The following PACRG variants were observed in gnomAD, a reference collection of about 807,000 sequenced individuals.
PACRG encodes parkin coregulated gene protein.
Under a neutral mutation model 29.7 loss-of-function variants are expected in PACRG, and 29 were observed. That is an observed-to-expected ratio of 0.98 (90% confidence interval 0.73 to 1.33). The LOEUF (loss-of-function observed/expected upper bound fraction) is 1.33, where lower values mean the gene tolerates loss of function less well. Among genes scored for constraint, PACRG ranks in the 40% most tolerant of loss-of-function variants. The pLI, the probability that PACRG is intolerant of heterozygous loss-of-function variation, is 0.00. For missense variants in PACRG, 279 were observed against 316.2 expected (o/e 0.88, Z 0.89); for synonymous variants, 116 against 118.7 (o/e 0.98, Z 0.15).
intron 1 of PACRG, among the ~76,000 whole-genome samples, chr6:162,787,582 G>GTGTGTGTGTATATATATATA (rs1198197561): frequency 1.6e-5 from 1 of 62,418 alleles, no homozygotes; most frequent in African/African-American, 6.0e-5. Flanking sequence ...GTGTGTGTGT[G>GTGTGTGTGTATATATATATA]TATATATATA....
At chr6:162,906,985 A>C (rs2128068898) in intron 2 of PACRG, among the ~76,000 whole-genome samples, 1 of 152,360 alleles carries the variant, frequency 6.6e-6, no homozygotes, top group South Asian at 2.1e-4. Flanking sequence ...GGGCTTCATC[A>C]GTGTGAGGAG....
rs73025197 is a variant in PACRG, at chr6:163,060,205, A to T, written c.292-1945A>T. On this transcript the variant is annotated intron_variant, in intron 2 of 4. Coordinates refer to ENST00000366888, the MANE Select transcript of PACRG (RefSeq NM_001080379.2). ...AATACAACATCTTAGGCCATAGTAA[A>T]ATACAAAATTTAATTTTGTGCTTAC... is the stretch of plus-strand genomic sequence containing the variant. Among the ~76,000 whole-genome samples the T allele has an allele frequency of 6.8e-3, 1,038 of 152,298 alleles. 5 individuals carry two copies. Among genetic ancestry groups the T allele is most frequent in the Non-Finnish European group, 9.5e-3 (648 of 68,006 alleles).
chr6:162,987,807 T>C (rs1167382597), intron 2 of PACRG, among the ~76,000 whole-genome samples: 5 of 152,196 alleles, frequency 3.3e-5, no homozygotes, highest in Non-Finnish European at 7.3e-5. Context: ...TGTTTGTAGA[T>C]ATGTTTATTG....
chr6:163,286,980 G>A (rs1432285339), intron 4 of PACRG, among the ~76,000 whole-genome samples: 1 of 151,840 alleles, frequency 6.6e-6, no homozygotes, highest in Non-Finnish European at 1.5e-5. Context: ...ATATGTGTTT[G>A]TGTATCTGTA....
At chr6:162,825,689 T>C (rs1788212027) in intron 2 of PACRG, among the ~76,000 whole-genome samples, 6 of 152,290 alleles carry the variant, frequency 3.9e-5, no homozygotes. Context: ...TATCTTGAGC[T>C]CCTGGGGTGT....
chr6:162,828,610 A>G (rs1562639332), intron 2 of PACRG, among the ~76,000 whole-genome samples: 1 of 152,226 alleles, frequency 6.6e-6, no homozygotes, highest in Non-Finnish European at 1.5e-5. Context: ...TGGTAATAGT[A>G]TGAAGCAAAA....
chr6:162,926,516 G>C (rs1037578599), intron 2 of PACRG, among the ~76,000 whole-genome samples: 3 of 152,078 alleles, frequency 2.0e-5, no homozygotes, highest in African/African-American at 7.2e-5. Flanking sequence ...ACAACCATCT[G>C]ATGTTCAACA....
intron 2 of PACRG, among the ~76,000 whole-genome samples, chr6:162,910,101 T>C (rs756791207): frequency 6.6e-6 from 1 of 152,222 alleles, no homozygotes; most frequent in Non-Finnish European, 1.5e-5. Flanking sequence ...TTTTCTCATA[T>C]GTAAAAAGAT....
chr6:162,730,026 A>G (rs1433657946), intron 1 of PACRG, among the ~76,000 whole-genome samples: 2 of 150,168 alleles, frequency 1.3e-5, no homozygotes, highest in Non-Finnish European at 3.0e-5. Context: ...AACATTATTT[A>G]TCCATTCATC....
intron 1 of PACRG, among the ~76,000 whole-genome samples, chr6:162,764,747 CTTT>C (rs35179604): frequency 1.4e-5 from 2 of 144,286 alleles, no homozygotes; most frequent in Non-Finnish European, 1.5e-5. Context: ...GGAATCCAAA[CTTT>C]TTTTTTTTTT....
chr6:162,967,769 C>A (rs7758271), intron 2 of PACRG, among the ~76,000 whole-genome samples: 106,138 of 151,962 alleles, frequency 0.7, 37,395 homozygotes, highest in East Asian at 0.79. Flanking sequence ...GGCCTCCCAA[C>A]GTGCTAGGAT....
chr6:162,994,688 G>A (rs1471050361), intron 2 of PACRG, among the ~76,000 whole-genome samples: 1 of 138,220 alleles, frequency 7.2e-6, no homozygotes, highest in Non-Finnish European at 1.5e-5. Flanking sequence ...TAGTTTGAAT[G>A]TCCTCCCGTA....
intron 4 of PACRG, among the ~76,000 whole-genome samples, chr6:163,224,479 A>T (rs1340371632): frequency 6.6e-6 from 1 of 152,078 alleles, no homozygotes; most frequent in Non-Finnish European, 1.5e-5. Context: ...GCTGGCATAA[A>T]AACAGACATG....
At chr6:163,204,197 T>C (rs1780811881) in intron 4 of PACRG, among the ~76,000 whole-genome samples, 1 of 152,254 alleles carries the variant, frequency 6.6e-6, no homozygotes, top group Non-Finnish European at 1.5e-5. Flanking sequence ...TGCAGATCTT[T>C]ATAAAAATGT....
intron 2 of PACRG, among the ~76,000 whole-genome samples, chr6:162,923,283 T>C (rs73605867): frequency 3.3e-5 from 5 of 152,194 alleles, no homozygotes; most frequent in Admixed American, 3.3e-4. Context: ...TCGTCCCTTG[T>C]CAGATGAATA....
chr6:163,214,745 T>C (rs936591993), intron 4 of PACRG, among the ~76,000 whole-genome samples: 21 of 152,150 alleles, frequency 1.4e-4, no homozygotes, highest in African/African-American at 4.1e-4. Context: ...GTAATTCTTC[T>C]TTCCAGTATT....
chr6:162,729,234 A>G (rs1779550307), intron 1 of PACRG, among the ~76,000 whole-genome samples: 1 of 152,196 alleles, frequency 6.6e-6, no homozygotes, highest in African/African-American at 2.4e-5. Context: ...TCTGGGAATG[A>G]GGCATTAAAT....
chr6:163,122,717 C>T (rs1302833893), intron 4 of PACRG, among the ~76,000 whole-genome samples: 1 of 152,144 alleles, frequency 6.6e-6, no homozygotes, highest in Non-Finnish European at 1.5e-5. Flanking sequence ...TACCCAACCC[C>T]AGGTATTATT....
At chr6:163,056,688 A>G (rs755799918) in intron 2 of PACRG, among the ~76,000 whole-genome samples, 8 of 152,172 alleles carry the variant, frequency 5.3e-5, no homozygotes, top group Admixed American at 3.9e-4. Flanking sequence ...TATGGTAAGT[A>G]GGTGCTCTTA....
Sources: gnomAD v4.1 joint callset for allele counts (sites outside exome capture counted in the v4.1 genomes callset) on GRCh38, gnomAD v4.1.1 for gene constraint, MANE v1.5 for transcripts, NCBI Gene and HGNC (gene_info 2026-07-23, HGNC 2026-07-21) for gene names.